Variants in TMLHE observed in about 807,000 individuals in gnomAD.
The protein encoded by TMLHE is trimethyllysine dioxygenase, mitochondrial.
In TMLHE, 18 loss-of-function variants were observed where a neutral mutation model predicts 25.7. That is an observed-to-expected ratio of 0.70 (90% confidence interval 0.48 to 1.04). The LOEUF (loss-of-function observed/expected upper bound fraction) is 1.04. Among genes scored for constraint, TMLHE ranks in the 50% least tolerant of loss-of-function variants. The probability of loss-of-function intolerance (pLI) is 0.00; values close to 1 mark genes in which losing one functional copy is unlikely to be tolerated. For missense variants in TMLHE, 236 were observed against 259.0 expected (o/e 0.91, Z 0.61); for synonymous variants, 105 against 97.0 (o/e 1.08, Z -0.49).
At position 155,545,297 on chromosome X, in the gene TMLHE, C is replaced by G. The variant is rs781905334; in HGVS notation, c.-1-20G>C. Reference sequence around the variant, plus strand: ...CACATCCTAGAAGATTGGATAATAACAAGTTAGTAGTAATATACAACAACT... The same window carrying G: ...CACATCCTAGAAGATTGGATAATAAGAAGTTAGTAGTAATATACAACAACT... On this transcript the variant is annotated intron_variant, in intron 1 of 7. Coordinates refer to ENST00000334398, the MANE Select transcript of TMLHE (RefSeq NM_018196.4). 29 of 1,154,791 alleles carry G rather than the reference C, an allele frequency of 2.5e-5. No individual in the cohort carries two copies. In the African/African-American group the frequency reaches 4.2e-4, roughly 17 times the overall value.
intron 1 of TMLHE, among the ~76,000 whole-genome samples, chrX:155,586,273 T>C (rs781888625): frequency 9.3e-6 from 1 of 107,061 alleles, no homozygotes; most frequent in South Asian, 4.0e-4. Flanking sequence ...AGCTCCTAGA[T>C]GGCATTGAGT....
chrX:155,544,060 A>T (rs1557338448), intron 2 of TMLHE, among the ~76,000 whole-genome samples: 1 of 111,604 alleles, frequency 9.0e-6, no homozygotes, highest in Non-Finnish European at 1.9e-5. Flanking sequence ...GAGGCTTATT[A>T]GCTTGTTGTA....
chrX:155,533,713 G>A (rs1312543845), intron 2 of TMLHE, among the ~76,000 whole-genome samples: 1 of 111,016 alleles, frequency 9.0e-6, no homozygotes, highest in Non-Finnish European at 1.9e-5. Flanking sequence ...AAATGTGAAT[G>A]GTAAAGGCCA....
At position 155,569,266 on chromosome X, in the gene TMLHE, G is replaced by A. The variant is rs1356519035; in HGVS notation, c.-1-23989C>T. ...GAAGATGAAATGAATGAAATGAAGC[G>A]AGAAGGGAAGTTTAGAGAAAAAAGA... is the stretch of plus-strand genomic sequence containing the variant. On this transcript the variant is annotated intron_variant, in intron 1 of 7. Transcript: ENST00000334398. 2.5e-4 allele frequency among the ~76,000 whole-genome samples: 14 copies of A among 56,949 alleles called. 1 individual carries two copies. Among genetic ancestry groups the A allele is most frequent in the African/African-American group, 5.5e-4 (13 of 23,718 alleles). The allele number at this position is 56,949 out of a possible 115,157, so 49.5% of individuals were successfully genotyped here.
rs1252486943 is a variant in TMLHE, at chrX:155,545,197, G to A, written c.80C>T (p.Pro27Leu). ...AAGTAAGCTTTTGAAGTTGGGCTGT[G>A]GAAGGGCCGGATATATGACTCCTCC... ...LKGGVIYPAL[P>L]QPNFKSLLPL... The change falls in exon 2 of 8, where the codon CCA (proline) becomes CTA (leucine). Residue 27 changes from proline (P) to leucine (L), a missense_variant. Coordinates refer to ENST00000334398, the MANE Select transcript of TMLHE (RefSeq NM_018196.4). 4 of 1,208,563 alleles carry A rather than the reference G, an allele frequency of 3.3e-6. No individual in the cohort carries two copies. In the East Asian group the frequency reaches 1.2e-4, roughly 36 times the overall value.
chrX:155,610,925 G>C (rs1371080869), intron 1 of TMLHE, among the ~76,000 whole-genome samples: 1 of 110,882 alleles, frequency 9.0e-6, no homozygotes, highest in African/African-American at 3.3e-5. Flanking sequence ...CTGGCACAGA[G>C]TTGACATTCA....
At chrX:155,552,764 T>A (rs1412593662) in intron 1 of TMLHE, among the ~76,000 whole-genome samples, 2 of 110,162 alleles carry the variant, frequency 1.8e-5, no homozygotes, top group Non-Finnish European at 3.8e-5. Flanking sequence ...TAGGATTAAT[T>A]TTCTATTGTT....
intron 5 of TMLHE, among the ~76,000 whole-genome samples, chrX:155,510,356 A>C (rs1237996878): frequency 9.8e-6 from 1 of 102,470 alleles, no homozygotes; most frequent in Non-Finnish European, 2.0e-5. Flanking sequence ...CCACTAACTC[A>C]TCATCTAGCA....
At chrX:155,511,431 T>TA (rs1169359818) in intron 5 of TMLHE, among the ~76,000 whole-genome samples, 62 of 109,668 alleles carry the variant, frequency 5.7e-4, no homozygotes, top group South Asian at 2.0e-3. Context: ...TCTCTCTTTT[T>TA]TTTTTTTATA....
At chrX:155,531,086 A>C (rs782251753) in intron 2 of TMLHE, among the ~76,000 whole-genome samples, 35 of 112,293 alleles carry the variant, frequency 3.1e-4, no homozygotes, top group African/African-American at 1.0e-3. Context: ...TTGCACATGC[A>C]TGCAGTGCTG....
chrX:155,603,231 G>C (rs1038362597), intron 1 of TMLHE, among the ~76,000 whole-genome samples: 30 of 111,491 alleles, frequency 2.7e-4, no homozygotes, highest in African/African-American at 9.5e-4. Flanking sequence ...TCAGGAGACT[G>C]AGGTGGGAGG....
At chrX:155,542,139 T>TTTGAGACCAGCCTGACTAAC (rs1569562018) in intron 2 of TMLHE, among the ~76,000 whole-genome samples, 1 of 111,462 alleles carries the variant, frequency 9.0e-6, no homozygotes, top group Non-Finnish European at 1.9e-5. Context: ...TCCTGAATGG[T>TTTGAGACCAGCCTGACTAAC]ATTGCCTAGG....
chrX:155,543,405 G>C (rs782387211), intron 2 of TMLHE, among the ~76,000 whole-genome samples: 1 of 111,044 alleles, frequency 9.0e-6, no homozygotes, highest in Non-Finnish European at 1.9e-5. Flanking sequence ...AACTGAAAAA[G>C]AAATCAAGAA....
At chrX:155,592,926 C>A (rs782163280) in intron 1 of TMLHE, among the ~76,000 whole-genome samples, 2 of 112,004 alleles carry the variant, frequency 1.8e-5, no homozygotes, top group Admixed American at 1.9e-4. Context: ...CCCAAGGCCC[C>A]TTCCAGGGAG....
At chrX:155,611,833 T>C (rs1044411556) in intron 1 of TMLHE, among the ~76,000 whole-genome samples, 7 of 112,044 alleles carry the variant, frequency 6.2e-5, no homozygotes, top group African/African-American at 2.3e-4. Context: ...TCCTTCTTTG[T>C]CTTTATAGTT....
intron 2 of TMLHE, among the ~76,000 whole-genome samples, chrX:155,540,446 CCTT>C (rs1211975911): frequency 9.1e-6 from 1 of 109,570 alleles, no homozygotes; most frequent in Non-Finnish European, 1.9e-5. Context: ...GTAAAACTGT[CCTT>C]CTAAAATGAA....
At chrX:155,609,718 A>C (rs1177079145) in intron 1 of TMLHE, among the ~76,000 whole-genome samples, 1 of 112,130 alleles carries the variant, frequency 8.9e-6, no homozygotes, top group African/African-American at 3.2e-5. Flanking sequence ...AATGGGCAAA[A>C]TATGTGAGGA....
At chrX:155,602,354 ACAGT>A (rs199746016) in intron 1 of TMLHE, among the ~76,000 whole-genome samples, 1,886 of 111,888 alleles carry the variant, frequency 0.017, 47 homozygotes, top group African/African-American at 0.058. Context: ...ACAAAATCTA[ACAGT>A]CATTCATGAT....
chrX:155,595,675 G>C (rs149212959), intron 1 of TMLHE, among the ~76,000 whole-genome samples: 2,298 of 112,071 alleles, frequency 0.021, 24 homozygotes, highest in South Asian at 0.036. Context: ...TGTACCTTTT[G>C]TGAAATACCT....
Sources: allele counts gnomAD v4.1 joint callset (sites outside exome capture counted in the v4.1 genomes callset), GRCh38; gene constraint gnomAD v4.1.1; transcripts MANE v1.5; gene names NCBI Gene and HGNC (gene_info 2026-07-23, HGNC 2026-07-21).